Variants in POFUT1 observed in about 807,000 individuals in gnomAD.
POFUT1 encodes protein O-fucosyltransferase 1.
Under a neutral mutation model 42.4 loss-of-function variants are expected in POFUT1, and 16 were observed. The observed-to-expected ratio is 0.38, with a 90% CI of 0.26 to 0.57. The LOEUF (loss-of-function observed/expected upper bound fraction) is 0.57, where lower values mean the gene tolerates loss of function less well. Among genes scored for constraint, POFUT1 ranks in the 20% least tolerant of loss-of-function variants. POFUT1 has a pLI of 0.71. For synonymous variants in POFUT1, 206 were observed against 205.4 expected (o/e 1.00, Z -0.03); for missense variants, 470 against 504.6 (o/e 0.93, Z 0.66).
At chr20:32,230,376 G>A (rs2047436125) in intron 5 of POFUT1, among the ~76,000 whole-genome samples, 1 of 132,628 alleles carries the variant, frequency 7.5e-6, no homozygotes, top group Non-Finnish European at 1.5e-5. Flanking sequence ...GACAGAGCAA[G>A]ACTCCCTCTC....
In POFUT1 at chr20:32,236,341, ATT is replaced by A. The variant is rs553317905; in HGVS notation, c.*1687_*1688del. On this transcript the variant is annotated 3_prime_UTR_variant, in exon 7 of 7. Transcript: ENST00000375749. ...CTGGGGCTCCAGTGGGGCCCGCCTA[ATT>A]TTTTTTCCCCCCAAGACAGGGCCTT... 1 of 151,950 alleles carries A rather than the reference ATT, an allele frequency of 6.6e-6. No homozygotes were observed. The highest frequency in any genetic ancestry group is 1.5e-5 in the Non-Finnish European group (1 of 68,024). 9.4% of individuals were successfully genotyped at this position (151,950 alleles called of 1,614,324 possible).
chr20:32,231,315 G>A (rs755144523), intron 6 of POFUT1: 4 of 483,160 alleles, frequency 8.3e-6, no homozygotes, highest in East Asian at 4.0e-5. Flanking sequence ...TTCTTCTCTC[G>A]GGCACTTTCT....
At position 32,234,825 on chromosome 20, in the gene POFUT1, C is replaced by T; in HGVS notation, c.*164C>T. The T allele has an allele frequency of 3.3e-6, 2 of 604,492 alleles. No homozygotes were observed. The highest frequency in any genetic ancestry group is 5.7e-6 in the Non-Finnish European group (2 of 352,514). 37.4% of individuals were successfully genotyped at this position (604,492 alleles called of 1,614,324 possible). A position where few individuals can be genotyped will look rare whatever the true frequency, so the allele number is the denominator to read the frequency against. On this transcript the variant is annotated 3_prime_UTR_variant, in exon 7 of 7. Coordinates refer to ENST00000375749, the MANE Select transcript of POFUT1 (RefSeq NM_015352.2). ...GGGACCCCTCAAGGAGGGAGACGCT[C>T]CATATCCCAGGGCATAGGACTTGCA...
chr20:32,231,517 A>C (rs149300568), intron 6 of POFUT1, among the ~76,000 whole-genome samples: 3 of 152,302 alleles, frequency 2.0e-5, no homozygotes, highest in Non-Finnish European at 4.4e-5. Flanking sequence ...CTTAGTAGGC[A>C]GTCAGTTTGT....
intron 4 of POFUT1, among the ~76,000 whole-genome samples, chr20:32,219,670 T>G (rs898533474): frequency 5.9e-5 from 9 of 151,966 alleles, no homozygotes; most frequent in Non-Finnish European, 1.0e-4. Context: ...CTGATTTTTT[T>G]GTATTTTTAG....
intron 1 of POFUT1, among the ~76,000 whole-genome samples, chr20:32,209,817 G>T (rs2047317374): frequency 6.6e-6 from 1 of 152,184 alleles, no homozygotes; most frequent in Non-Finnish European, 1.5e-5. Context: ...AGAGGCATTG[G>T]GTGGGGATGG....
chr20:32,224,162 C>T (rs1016418953), intron 4 of POFUT1, among the ~76,000 whole-genome samples: 6 of 152,050 alleles, frequency 3.9e-5, no homozygotes, highest in East Asian at 1.9e-4. Flanking sequence ...GAGGCTGAGG[C>T]GGGCGGATCT....
intron 1 of POFUT1, 119 bp downstream of exon 1, chr20:32,208,184 C>T (rs2122557336): frequency 4.8e-6 from 5 of 1,042,848 alleles, no homozygotes; most frequent in Non-Finnish European, 6.9e-6. Flanking sequence ...CAGAGCGGGA[C>T]GGGGCATGCT....
intron 2 of POFUT1, among the ~76,000 whole-genome samples, chr20:32,210,995 C>T (rs139078194): frequency 6.6e-6 from 1 of 152,296 alleles, no homozygotes; most frequent in African/African-American, 2.4e-5. Flanking sequence ...CAGTCAAAAG[C>T]CAGAGTACCA....
intron 4 of POFUT1, among the ~76,000 whole-genome samples, chr20:32,221,182 G>T (rs1487249539): frequency 6.6e-6 from 1 of 152,168 alleles, no homozygotes; most frequent in Non-Finnish European, 1.5e-5. Flanking sequence ...GATTAGTAGG[G>T]ATGAATTTGA....
chr20:32,234,440 C>A, intron 6 of POFUT1, 33 bp from the exon 7 acceptor site: 1 of 1,557,154 alleles, frequency 6.4e-7, no homozygotes, highest in Non-Finnish European at 8.7e-7. Context: ...CTGTAGCCAC[C>A]CCAGCTTATA....
chr20:32,234,570 C>T lies in POFUT1; in HGVS notation c.1076C>T (p.Thr359Ile). The T allele has an allele frequency of 6.2e-7, 1 of 1,614,234 alleles. No individual in the cohort carries two copies. Among genetic ancestry groups the T allele is most frequent in the Non-Finnish European group, 8.5e-7 (1 of 1,180,024 alleles). Residue 359 changes from threonine (T) to isoleucine (I), a missense_variant, in exon 7 of 7, where the codon ACT becomes ATT. By Grantham distance (89) the Thr-to-Ile change is moderately conservative. Coordinates refer to ENST00000375749, the MANE Select transcript of POFUT1 (RefSeq NM_015352.2). The stretch of plus-strand genomic sequence containing the variant: ...ATTGGCAACTGTGTCTCCTCCTTCA[C>T]TGCCTTTGTGAAGCGGGAGCGGGAC... Reference protein sequence around the residue: ...HFIGNCVSSFTAFVKRERDLQ... With the variant: ...HFIGNCVSSFIAFVKRERDLQ...
intron 6 of POFUT1, among the ~76,000 whole-genome samples, chr20:32,232,557 A>G (rs2047448667): frequency 6.6e-6 from 1 of 152,112 alleles, no homozygotes; most frequent in Admixed American, 6.5e-5. Context: ...TTAAACTGGT[A>G]TTATTTCTTT....
intron 3 of POFUT1, among the ~76,000 whole-genome samples, chr20:32,216,035 T>C (rs1270844028): frequency 6.6e-6 from 1 of 152,192 alleles, no homozygotes; most frequent in African/African-American, 2.4e-5. Flanking sequence ...AGCAGGTAAA[T>C]GAGAGGCTGT....
intron 3 of POFUT1, among the ~76,000 whole-genome samples, chr20:32,215,877 C>T (rs1387611775): frequency 6.6e-6 from 1 of 152,192 alleles, no homozygotes; most frequent in East Asian, 1.9e-4. Context: ...AATATCCCCA[C>T]TTCATAGAGA....
intron 4 of POFUT1, among the ~76,000 whole-genome samples, 180 bp from the exon 5 acceptor site, chr20:32,228,083 C>T (rs1398740097): frequency 3.9e-5 from 6 of 152,202 alleles, no homozygotes; most frequent in African/African-American, 1.2e-4. Flanking sequence ...CTGTTGCCGC[C>T]GCCACCAAGG....
Position 32,230,833 on chromosome 20 carries a change from C to T in POFUT1, c.750C>T (p.Ala250=). 1 of 1,613,786 alleles carries T rather than the reference C, an allele frequency of 6.2e-7. No homozygotes were observed. The highest frequency in any genetic ancestry group is 8.5e-7 in the Non-Finnish European group (1 of 1,180,042). Residue 250 remains alanine, a synonymous_variant, in exon 6 of 7, where the codon GCC becomes GCT. Coordinates refer to ENST00000375749, the MANE Select transcript of POFUT1 (RefSeq NM_015352.2). The part of the protein sequence containing the change: ...RIGSDWKNAC[A]MLKDGTAGSH... ...GCTCTCCGTAGAAGAACGCCTGTGC[C>T]ATGCTGAAGGACGGGACTGCAGGCT...
At chr20:32,211,429 G>T (rs4911558) in intron 2 of POFUT1, among the ~76,000 whole-genome samples, 2 of 151,842 alleles carry the variant, frequency 1.3e-5, no homozygotes, top group African/African-American at 4.8e-5. Context: ...GCACCACCAC[G>T]CCCAGCTAAT....
chr20:32,232,049 G>A (rs187383512), intron 6 of POFUT1, among the ~76,000 whole-genome samples: 1 of 152,314 alleles, frequency 6.6e-6, no homozygotes, highest in Admixed American at 6.5e-5. Flanking sequence ...GGCCTTAAGA[G>A]GCAGACACTG....
Sources: gnomAD v4.1 joint callset for allele counts (sites outside exome capture counted in the v4.1 genomes callset) on GRCh38, gnomAD v4.1.1 for gene constraint, MANE v1.5 for transcripts, NCBI Gene and HGNC (gene_info 2026-07-23, HGNC 2026-07-21) for gene names.